FSTL5: variants seen among roughly 807,000 people sequenced by gnomAD.
The protein encoded by FSTL5 is follistatin-related protein 5.
A neutral mutation model predicts 89.1 loss-of-function variants in FSTL5; 62 were observed. The ratio of observed to expected loss-of-function variants is 0.70; its 90% CI spans 0.57 to 0.86. The LOEUF (loss-of-function observed/expected upper bound fraction) is 0.86, where lower values mean the gene tolerates loss of function less well. Among genes scored for constraint, FSTL5 ranks in the 40% least tolerant of loss-of-function variants. The pLI, the probability that FSTL5 is intolerant of heterozygous loss-of-function variation, is 0.00. For missense variants in FSTL5, 1,057 were observed against 1,001.6 expected (o/e 1.06, Z -0.75); for synonymous variants, 383 against 346.2 (o/e 1.11, Z -1.18).
intron 4 of FSTL5, among the ~76,000 whole-genome samples, chr4:161,897,650 C>A (rs1733210023): frequency 6.6e-6 from 1 of 151,474 alleles, no homozygotes; most frequent in African/African-American, 2.4e-5. Context: ...ACACAAAATC[C>A]CAGTTTCCCC....
intron 15 of FSTL5, among the ~76,000 whole-genome samples, chr4:161,406,960 T>A (rs1731403148): frequency 6.6e-6 from 1 of 152,216 alleles, no homozygotes. Context: ...TTATATTCAC[T>A]GTTTTTTATA....
At chr4:161,836,058 T>C (rs1397007215) in intron 4 of FSTL5, among the ~76,000 whole-genome samples, 1 of 152,070 alleles carries the variant, frequency 6.6e-6, no homozygotes, top group Non-Finnish European at 1.5e-5. Flanking sequence ...ACAACCCAAA[T>C]GTCCAACAAT....
At chr4:161,588,377 T>G (rs1204231075) in intron 7 of FSTL5, among the ~76,000 whole-genome samples, 1 of 152,106 alleles carries the variant, frequency 6.6e-6, no homozygotes, top group African/African-American at 2.4e-5. Flanking sequence ...ATAACATTTA[T>G]AGCCATAACA....
chr4:161,458,807 A>G lies in FSTL5; in HGVS notation c.1716+405T>C, dbSNP rs921240474. Among the ~76,000 whole-genome samples the G allele has an allele frequency of 7.2e-5, 11 of 152,348 alleles. No homozygotes were observed. The East Asian group carries it at 1.9e-3, about 27-fold the overall frequency. On this transcript the variant is annotated intron_variant, in intron 14 of 15. Coordinates refer to ENST00000306100, the MANE Select transcript of FSTL5 (RefSeq NM_020116.5). The stretch of plus-strand genomic sequence containing the variant: ...TAACACCACTATTCTTCCTTTAGAA[A>G]TAAGCCTCTCCTCAGATAACAGAAT...
chr4:162,108,410 G>T (rs1731308197), intron 2 of FSTL5, among the ~76,000 whole-genome samples: 2 of 151,886 alleles, frequency 1.3e-5, no homozygotes, highest in Admixed American at 1.3e-4. Flanking sequence ...TGGTAAAAAT[G>T]AGCTCTATAT....
At chr4:161,902,429 T>G (rs1733393234) in intron 4 of FSTL5, among the ~76,000 whole-genome samples, 1 of 152,210 alleles carries the variant, frequency 6.6e-6, no homozygotes, top group African/African-American at 2.4e-5. Flanking sequence ...TGCACACATT[T>G]AATAATAAAA....
At chr4:161,980,128 G>A (rs1008189071) in intron 3 of FSTL5, among the ~76,000 whole-genome samples, 10 of 129,828 alleles carry the variant, frequency 7.7e-5, no homozygotes, top group African/African-American at 1.3e-4. Context: ...AAAAGGAAAA[G>A]AAAGAAAGAG....
chr4:161,725,120 G>A (rs946877404), intron 6 of FSTL5, among the ~76,000 whole-genome samples: 1 of 151,976 alleles, frequency 6.6e-6, no homozygotes, highest in Non-Finnish European at 1.5e-5. Flanking sequence ...CACTTGAACC[G>A]GGGAGGCAGA....
At chr4:161,822,910 G>C (rs1295084294) in intron 4 of FSTL5, among the ~76,000 whole-genome samples, 3 of 152,120 alleles carry the variant, frequency 2.0e-5, no homozygotes, top group Middle Eastern at 3.2e-3. Flanking sequence ...GTCCTAATGA[G>C]TGTCCAGCTC....
At chr4:161,871,995 AAT>A (rs1732277435) in intron 4 of FSTL5, among the ~76,000 whole-genome samples, 1 of 48,836 alleles carries the variant, frequency 2.0e-5, no homozygotes, top group African/African-American at 4.1e-5. Context: ...TAATTTTTTT[AAT>A]TTTTTTTTTT....
chr4:161,696,622 C>A (rs1468105736), intron 6 of FSTL5, among the ~76,000 whole-genome samples: 1 of 152,158 alleles, frequency 6.6e-6, no homozygotes, highest in Non-Finnish European at 1.5e-5. Flanking sequence ...TCTATGATTT[C>A]TCTCAGCAGT....
chr4:162,060,837 A>G (rs559366995), intron 2 of FSTL5, among the ~76,000 whole-genome samples: 27 of 152,224 alleles, frequency 1.8e-4, no homozygotes, highest in African/African-American at 6.5e-4. Context: ...ACATCATGAA[A>G]AAAACCAAAG....
chr4:161,393,725 T>G (rs2110883323), intron 15 of FSTL5, among the ~76,000 whole-genome samples: 1 of 152,296 alleles, frequency 6.6e-6, no homozygotes, highest in African/African-American at 2.4e-5. Flanking sequence ...ACAATGAAGC[T>G]GTTACCACTG....
At chr4:161,867,023 T>A (rs1390881498) in intron 4 of FSTL5, among the ~76,000 whole-genome samples, 1 of 152,000 alleles carries the variant, frequency 6.6e-6, no homozygotes, top group East Asian at 1.9e-4. Context: ...TCTCACATAC[T>A]TGCCTATGGA....
chr4:161,424,087 C>T (rs1732089744), intron 15 of FSTL5, among the ~76,000 whole-genome samples: 2 of 134,144 alleles, frequency 1.5e-5, no homozygotes, highest in Non-Finnish European at 3.1e-5. Context: ...CTGTGTTGGC[C>T]AGGATGGTCT....
intron 3 of FSTL5, among the ~76,000 whole-genome samples, chr4:162,024,753 A>C (rs536032004): frequency 7.3e-4 from 111 of 152,100 alleles, no homozygotes; most frequent in African/African-American, 2.5e-3. Context: ...CTTTAACTCA[A>C]GTGGTCCTCC....
chr4:161,944,343 C>A (rs1476599010), intron 3 of FSTL5, among the ~76,000 whole-genome samples: 1 of 151,812 alleles, frequency 6.6e-6, no homozygotes, highest in Non-Finnish European at 1.5e-5. Flanking sequence ...TAAAAAAAAT[C>A]TATTTTACAT....
In FSTL5 at chr4:161,434,227, G is replaced by C. The variant is rs373422220; in HGVS notation, c.1841+20777C>G. Reference sequence around the variant, plus strand: ...ACACATAGACCAATGGAACAGAATAGAGGATCCAGAAACAAAGTCATACAC... The same window carrying C: ...ACACATAGACCAATGGAACAGAATACAGGATCCAGAAACAAAGTCATACAC... On this transcript the variant is annotated intron_variant, in intron 15 of 15. Coordinates refer to ENST00000306100, the MANE Select transcript of FSTL5 (RefSeq NM_020116.5). Among the ~76,000 whole-genome samples, 21 of 152,130 alleles carry C rather than the reference G, an allele frequency of 1.4e-4. No individual in the cohort carries two copies. In the South Asian group the frequency reaches 4.4e-3, roughly 32 times the overall value.
chr4:161,679,001 A>G (rs553130765), intron 6 of FSTL5, among the ~76,000 whole-genome samples: 5 of 151,870 alleles, frequency 3.3e-5, no homozygotes, highest in African/African-American at 9.6e-5. Context: ...TGTGCTAGAT[A>G]TATTAAATTC....
Sources: gnomAD v4.1 joint callset for allele counts (sites outside exome capture counted in the v4.1 genomes callset) on GRCh38, gnomAD v4.1.1 for gene constraint, MANE v1.5 for transcripts, NCBI Gene and HGNC (gene_info 2026-07-23, HGNC 2026-07-21) for gene names.